Variants in TNFRSF11A observed in about 807,000 individuals in gnomAD.
The protein encoded by TNFRSF11A is TNF receptor superfamily member 11a.
A neutral mutation model predicts 55.7 loss-of-function variants in TNFRSF11A; 32 were observed. That is an observed-to-expected ratio of 0.57 (90% CI 0.43 to 0.77). The LOEUF (loss-of-function observed/expected upper bound fraction) is 0.77. TNFRSF11A is among the 30% of genes least tolerant of loss of function. TNFRSF11A has a pLI of 0.00. For synonymous variants in TNFRSF11A, 311 were observed against 331.0 expected (o/e 0.94, Z 0.65); for missense variants, 753 against 809.8 (o/e 0.93, Z 0.85).
intron 1 of TNFRSF11A, among the ~76,000 whole-genome samples, chr18:62,332,785 A>G (rs935132189): frequency 6.6e-6 from 1 of 152,158 alleles, no homozygotes; most frequent in African/African-American, 2.4e-5. Context: ...AAAAAAGCCA[A>G]CAACCCCAAA....
chr18:62,328,424 A>AG (rs1476347725), intron 1 of TNFRSF11A, among the ~76,000 whole-genome samples: 3 of 152,178 alleles, frequency 2.0e-5, no homozygotes, highest in East Asian at 1.9e-4. Flanking sequence ...AAAGAAAGAA[A>AG]AAAAAAAACA....
chr18:62,373,995 T>G (rs1205142083), intron 9 of TNFRSF11A: 1 of 152,236 alleles, frequency 6.6e-6, no homozygotes, highest in Non-Finnish European at 1.5e-5. Flanking sequence ...TATCTCTTTC[T>G]TCACACTCTT....
At position 62,335,769 on chromosome 18, in the gene TNFRSF11A, G is replaced by A. The variant is rs187634838; in HGVS notation, c.75+10342G>A. Among the ~76,000 whole-genome samples the A allele has an allele frequency of 6.6e-4, 100 of 152,360 alleles. 2 individuals are homozygous for A. The highest frequency in any genetic ancestry group is 2.2e-3 in the African/African-American group (93 of 41,580). The stretch of plus-strand genomic sequence containing the variant: ...AAATCAGTGGAGTCTTTCCAAGGGC[G>A]TGCTTGGGAGTGTGAATTTGATTCA... On this transcript the variant is annotated intron_variant, in intron 1 of 9. Transcript: ENST00000586569.
chr18:62,336,935 A>T (rs1163800113), intron 1 of TNFRSF11A: 1 of 152,232 alleles, frequency 6.6e-6, no homozygotes, highest in Non-Finnish European at 1.5e-5. Flanking sequence ...GCTGAGTAAA[A>T]ATCAACAGAC....
intron 9 of TNFRSF11A, among the ~76,000 whole-genome samples, chr18:62,377,885 G>A (rs932297672): frequency 6.6e-6 from 1 of 152,046 alleles, no homozygotes; most frequent in Non-Finnish European, 1.5e-5. Context: ...GGCCATCTTG[G>A]GTAAGCCTCA....
At chr18:62,372,616 C>T (rs1910629899) in intron 9 of TNFRSF11A, among the ~76,000 whole-genome samples, 1 of 152,090 alleles carries the variant, frequency 6.6e-6, no homozygotes, top group African/African-American at 2.4e-5. Context: ...ATCTCGTCAT[C>T]CAGGCAGTGA....
At chr18:62,376,209 A>T (rs1910883480) in intron 9 of TNFRSF11A, among the ~76,000 whole-genome samples, 1 of 150,442 alleles carries the variant, frequency 6.6e-6, no homozygotes, top group Non-Finnish European at 1.5e-5. Flanking sequence ...TTGTCTTGGG[A>T]TGTTACTATT....
At chr18:62,379,711 A>G (rs759795166) in intron 9 of TNFRSF11A, among the ~76,000 whole-genome samples, 2 of 152,140 alleles carry the variant, frequency 1.3e-5, no homozygotes, top group Non-Finnish European at 2.9e-5. Flanking sequence ...TCAAGATACA[A>G]TTGGTACAAT....
chr18:62,385,299 A>C lies in TNFRSF11A; in HGVS notation c.*265A>C. 2.7e-6 allele frequency: 1 copy of C among 371,754 alleles called. No homozygotes were observed. The highest frequency in any genetic ancestry group is 4.7e-6 in the Non-Finnish European group (1 of 211,104). The allele number at this position is 371,754 out of a possible 1,614,324, so 23.0% of individuals were successfully genotyped here. ...GCCACTCCTCAAACTCGCAGCAGTA[A>C]TTTGTGGCACTATGACAGCTATTTT... On this transcript the variant is annotated 3_prime_UTR_variant, in exon 10 of 10. Coordinates refer to ENST00000586569, the MANE Select transcript of TNFRSF11A (RefSeq NM_003839.4).
intron 9 of TNFRSF11A, among the ~76,000 whole-genome samples, chr18:62,378,929 C>T (rs1911078121): frequency 6.6e-6 from 1 of 152,224 alleles, no homozygotes; most frequent in South Asian, 2.1e-4. Flanking sequence ...CTAGCTACCA[C>T]TTATTCACCT....
At chr18:62,375,085 G>GTTTTTTT (rs1280672002) in intron 9 of TNFRSF11A, among the ~76,000 whole-genome samples, 66 of 57,974 alleles carry the variant, frequency 1.1e-3, no homozygotes, top group Non-Finnish European at 2.9e-3. Context: ...TTGTGTGTGT[G>GTTTTTTT]TTTTTTTTTT....
chr18:62,377,190 T>C (rs1254422740), intron 9 of TNFRSF11A, among the ~76,000 whole-genome samples: 8 of 152,176 alleles, frequency 5.3e-5, no homozygotes, highest in Admixed American at 2.0e-4. Context: ...GCTGGGATTA[T>C]AGGCGTGAGC....
chr18:62,349,177 T>C (rs2046428861), intron 2 of TNFRSF11A, among the ~76,000 whole-genome samples: 1 of 151,552 alleles, frequency 6.6e-6, no homozygotes, highest in Admixed American at 6.6e-5. Context: ...TTTTTTTTTT[T>C]TTTCTTTTTT....
In TNFRSF11A at chr18:62,325,467, G is replaced by A. The variant is rs575435199; in HGVS notation, c.75+40G>A. The A allele has an allele frequency of 8.5e-7, 1 of 1,183,146 alleles. No individual in the cohort carries two copies. Among genetic ancestry groups the A allele is most frequent in the South Asian group, 2.1e-5 (1 of 47,028 alleles). The allele number at this position is 1,183,146 out of a possible 1,614,324, so 73.3% of individuals were successfully genotyped here. ...CGCCTGCCGGGCCGCGCGGCCCGAC[G>A]CCTCCTCGGGAGCCCCGGGAAGGGC... On this transcript the variant is annotated intron_variant, in intron 1 of 9. Transcript: ENST00000586569. The surrounding 1 kb of genome is among the most constrained non-coding windows in gnomAD (Gnocchi z 4.7).
intron 2 of TNFRSF11A, 32 bp from the exon 3 acceptor site, chr18:62,349,780 A>T (rs766616437): frequency 1.2e-6 from 2 of 1,612,226 alleles, no homozygotes; most frequent in Admixed American, 1.7e-5. Flanking sequence ...TGGTTTTTTG[A>T]TGGTTGCATT....
At position 62,361,611 on chromosome 18, in the gene TNFRSF11A, G is replaced by A. The variant is rs975853382; in HGVS notation, c.617-69G>A. On this transcript the variant is annotated intron_variant, in intron 6 of 9. Coordinates refer to ENST00000586569, the MANE Select transcript of TNFRSF11A (RefSeq NM_003839.4). ...TTGATTCTGAGGTTTGATTTACCGGGATTTGTTTTTCAACTGCGTAAAATT... is the reference window on the plus strand; with the variant it reads ...TTGATTCTGAGGTTTGATTTACCGGAATTTGTTTTTCAACTGCGTAAAATT... 22 of 1,425,434 alleles carry A rather than the reference G, an allele frequency of 1.5e-5. No homozygotes were observed. The East Asian group carries it at 4.8e-4, about 31-fold the overall frequency. The allele number at this position is 1,425,434 out of a possible 1,614,324, so 88.3% of individuals were successfully genotyped here. A position where few individuals can be genotyped will look rare whatever the true frequency, so the allele number is the denominator to read the frequency against.
rs970017652 is a variant in TNFRSF11A, at chr18:62,354,584, C to T, written c.427+50C>T. On this transcript the variant is annotated intron_variant, in intron 4 of 9. Coordinates refer to ENST00000586569, the MANE Select transcript of TNFRSF11A (RefSeq NM_003839.4). ...TCGGCTCTTGCTGAGCCATGCAAAG[C>T]CAGCTTTGAGACAGTCTTGATAATA... is the stretch of plus-strand genomic sequence containing the variant. 5.6e-6 allele frequency: 9 copies of T among 1,598,676 alleles called. No homozygotes were observed. The African/African-American group carries it at 1.1e-4, about 19-fold the overall frequency.
At chr18:62,331,268 CA>C (rs774236316) in intron 1 of TNFRSF11A, among the ~76,000 whole-genome samples, 1 of 152,070 alleles carries the variant, frequency 6.6e-6, no homozygotes, top group Admixed American at 6.5e-5. Context: ...GCTGTCAGGA[CA>C]AAAAAGCTGG....
intron 7 of TNFRSF11A, 120 bp from the exon 8 acceptor site, chr18:62,366,588 C>G (rs1362721207): frequency 9.4e-7 from 1 of 1,068,282 alleles, no homozygotes; most frequent in Non-Finnish European, 1.5e-6. Context: ...AACCATTTTA[C>G]TATCTATATT....
Sources: gnomAD v4.1 joint callset for allele counts (sites outside exome capture counted in the v4.1 genomes callset) on GRCh38, gnomAD v4.1.1 for gene constraint, Gnocchi (gnomAD v3.1) non-coding constraint, MANE v1.5 for transcripts, NCBI Gene and HGNC (gene_info 2026-07-23, HGNC 2026-07-21) for gene names.